ENOX1: variants seen among roughly 807,000 people sequenced by gnomAD.
ENOX1 encodes ecto-NOX disulfide-thiol exchanger 1.
ENOX1 carries 42 observed loss-of-function variants against 82.5 expected under a neutral mutation model. The ratio of observed to expected loss-of-function variants is 0.51; its 90% confidence interval spans 0.40 to 0.66. The LOEUF (loss-of-function observed/expected upper bound fraction) is 0.66. ENOX1 is among the 30% of genes least tolerant of loss of function. The probability of loss-of-function intolerance (pLI) is 0.00; values close to 1 mark genes in which losing one functional copy is unlikely to be tolerated. For synonymous variants in ENOX1, 271 were observed against 282.2 expected, an observed-to-expected ratio of 0.96 and a Z score of 0.40; for missense variants, 608 against 811.6, an observed-to-expected ratio of 0.75 and a Z score of 3.05.
chr13:43,382,962 T>C (rs1428540598), intron 5 of ENOX1, among the ~76,000 whole-genome samples: 1 of 152,208 alleles, frequency 6.6e-6, no homozygotes, highest in Non-Finnish European at 1.5e-5. Context: ...CAGATATGCA[T>C]ATATAAAGCT....
chr13:43,623,334 G>T (rs543259846), intron 2 of ENOX1, among the ~76,000 whole-genome samples: 1 of 152,132 alleles, frequency 6.6e-6, no homozygotes, highest in Non-Finnish European at 1.5e-5. Flanking sequence ...CTCCCTGTGT[G>T]GTTTTACCCC....
At chr13:43,408,416 G>A (rs1594394750) in intron 5 of ENOX1, among the ~76,000 whole-genome samples, 1 of 152,194 alleles carries the variant, frequency 6.6e-6, no homozygotes, top group African/African-American at 2.4e-5. Flanking sequence ...AGAAAGCCAA[G>A]TACTCATAAA....
At chr13:43,306,563 C>T (rs1323296630) in intron 11 of ENOX1, among the ~76,000 whole-genome samples, 2 of 152,174 alleles carry the variant, frequency 1.3e-5, no homozygotes, top group East Asian at 3.9e-4. Flanking sequence ...TAGTACTCCA[C>T]CATGGGCTTG....
At chr13:43,576,892 A>G (rs971656846) in intron 2 of ENOX1, among the ~76,000 whole-genome samples, 11 of 152,228 alleles carry the variant, frequency 7.2e-5, no homozygotes, top group Non-Finnish European at 1.3e-4. Flanking sequence ...ACATATAGTC[A>G]GTCCAAAATA....
At chr13:43,248,177 G>A (rs1173325868) in intron 14 of ENOX1, among the ~76,000 whole-genome samples, 1 of 151,574 alleles carries the variant, frequency 6.6e-6, no homozygotes, top group African/African-American at 2.4e-5. Context: ...GAGCCACCGC[G>A]CCCGGCCGCA....
chr13:43,306,623 C>A (rs1387740021), intron 11 of ENOX1, among the ~76,000 whole-genome samples: 1 of 152,186 alleles, frequency 6.6e-6, no homozygotes, highest in Non-Finnish European at 1.5e-5. Flanking sequence ...TGGCCAAAGA[C>A]AGAAACTTTA....
chr13:43,617,848 A>G (rs2082548598), intron 2 of ENOX1, among the ~76,000 whole-genome samples: 1 of 152,074 alleles, frequency 6.6e-6, no homozygotes. Flanking sequence ...CAAGAAGTGT[A>G]GAAGTGTTCC....
chr13:43,477,961 G>A (rs1479360385), intron 3 of ENOX1, among the ~76,000 whole-genome samples: 1 of 151,772 alleles, frequency 6.6e-6, no homozygotes, highest in Non-Finnish European at 1.5e-5. Flanking sequence ...TTCACTGGGT[G>A]CTGGGGGACT....
intron 16 of ENOX1, among the ~76,000 whole-genome samples, chr13:43,217,464 T>C (rs2041548861): frequency 6.6e-6 from 1 of 152,110 alleles, no homozygotes; most frequent in Non-Finnish European, 1.5e-5. Context: ...AGCCTAGACT[T>C]TAACCACAAA....
chr13:43,281,138 T>G (rs2045356525), intron 12 of ENOX1, among the ~76,000 whole-genome samples: 2 of 152,178 alleles, frequency 1.3e-5, no homozygotes, highest in Non-Finnish European at 2.9e-5. Context: ...TAGCAACTAC[T>G]GAACCTCTGA....
chr13:43,223,658 T>A (rs1224302135), intron 16 of ENOX1, among the ~76,000 whole-genome samples: 1 of 152,096 alleles, frequency 6.6e-6, no homozygotes, highest in Non-Finnish European at 1.5e-5. Flanking sequence ...TTGGGATGAT[T>A]TTTCCTCAAT....
At chr13:43,339,304 C>G (rs2048921700) in intron 9 of ENOX1, among the ~76,000 whole-genome samples, 1 of 152,192 alleles carries the variant, frequency 6.6e-6, no homozygotes, top group African/African-American at 2.4e-5. Flanking sequence ...ACATTTGAGC[C>G]TATGGATCCT....
chr13:43,584,777 T>A (rs1410111716), intron 2 of ENOX1, among the ~76,000 whole-genome samples: 1 of 152,178 alleles, frequency 6.6e-6, no homozygotes, highest in Non-Finnish European at 1.5e-5. Context: ...AATCTAGTAG[T>A]GACTTTTGAT....
intron 2 of ENOX1, among the ~76,000 whole-genome samples, chr13:43,624,006 A>G (rs2082859609): frequency 6.6e-6 from 1 of 152,192 alleles, no homozygotes; most frequent in Non-Finnish European, 1.5e-5. Context: ...AAACTGTCAA[A>G]TCATTTTTCA....
intron 1 of ENOX1, among the ~76,000 whole-genome samples, chr13:43,733,166 G>A (rs1359148097): frequency 1.3e-5 from 2 of 151,916 alleles, no homozygotes; most frequent in Non-Finnish European, 2.9e-5. Flanking sequence ...TTATGAGGCT[G>A]GAATACAAAA....
chr13:43,600,613 G>GTA (rs2081665976), intron 2 of ENOX1, among the ~76,000 whole-genome samples: 2 of 152,190 alleles, frequency 1.3e-5, no homozygotes, highest in Admixed American at 1.3e-4. Flanking sequence ...GCCCTAACAG[G>GTA]AAGAACACAA....
chr13:43,591,901 C>T (rs1005662643), intron 2 of ENOX1, among the ~76,000 whole-genome samples: 4 of 152,096 alleles, frequency 2.6e-5, no homozygotes, highest in Non-Finnish European at 5.9e-5. Context: ...AAAAGACCAG[C>T]CTGGCTTTGA....
chr13:43,633,693 T>C (rs1055803487), intron 2 of ENOX1, among the ~76,000 whole-genome samples: 1 of 26,044 alleles, frequency 3.8e-5, no homozygotes, highest in African/African-American at 9.6e-5. Flanking sequence ...TGTGTATGTG[T>C]GTGTGTGTGT....
chr13:43,624,127 T>G (rs2082865894), intron 2 of ENOX1, among the ~76,000 whole-genome samples: 1 of 152,228 alleles, frequency 6.6e-6, no homozygotes, highest in African/African-American at 2.4e-5. Context: ...TTCTGATTCA[T>G]ATATAGTGAT....
Sources: allele counts gnomAD v4.1 joint callset (sites outside exome capture counted in the v4.1 genomes callset), GRCh38; gene constraint gnomAD v4.1.1; transcripts MANE v1.5; gene names NCBI Gene and HGNC (gene_info 2026-07-23, HGNC 2026-07-21).